The following GTF3A variants were observed in gnomAD, a reference collection of about 807,000 sequenced individuals.
GTF3A encodes transcription factor IIIA.
A neutral mutation model predicts 37.6 loss-of-function variants in GTF3A; 40 were observed. The ratio of observed to expected loss-of-function variants is 1.06; its 90% CI spans 0.83 to 1.38. The LOEUF (loss-of-function observed/expected upper bound fraction) is 1.38, where lower values mean the gene tolerates loss of function less well. Ranked by LOEUF, GTF3A falls within the 40% of genes most tolerant of loss-of-function variation. The pLI is 0.00. For missense variants in GTF3A, 500 were observed against 462.6 expected (o/e 1.08, Z -0.74); for synonymous variants, 191 against 166.7 (o/e 1.15, Z -1.12).
At position 27,424,824 on chromosome 13, in the gene GTF3A, G is replaced by C; in HGVS notation, c.87G>C (p.Pro29=). The C allele has an allele frequency of 1.3e-6, 2 of 1,550,676 alleles. No homozygotes were observed. The highest frequency in any genetic ancestry group is 1.4e-5 in the African/African-American group (1 of 73,140). ...TTGCAGCCGGCGAGAGCTCAGCTCC[G>C]ACCCCGCCGCGCCCCGCGCTTCCCA... The change falls in exon 1 of 9, where the codon CCG becomes CCC. Residue 29 remains proline (P), a synonymous_variant. Transcript: ENST00000381140.
At chr13:27,434,711 C>G in intron 6 of GTF3A, 94 bp from the exon 7 acceptor site, 1 of 666,726 alleles carries the variant, frequency 1.5e-6, no homozygotes, top group Non-Finnish European at 2.6e-6. Context: ...GATCAGGTTT[C>G]AGGCACTGAA....
At chr13:27,430,102 G>A in intron 3 of GTF3A, 136 bp downstream of exon 3, 1 of 433,066 alleles carries the variant, frequency 2.3e-6, no homozygotes, top group Non-Finnish European at 4.2e-6. Flanking sequence ...ACCAGCCTGG[G>A]AAACATAGTG....
At chr13:27,430,061 T>A in intron 3 of GTF3A, 95 bp downstream of exon 3, 1 of 586,528 alleles carries the variant, frequency 1.7e-6, no homozygotes, top group Non-Finnish European at 2.9e-6. Flanking sequence ...GGCTCAAGCC[T>A]ATAATCGTAG....
In GTF3A at chr13:27,424,942, AG is replaced by A; in HGVS notation, c.201+10del. ...CCTGTGCAAGCACACGGGGGAGGTGAGGGGGGCGAGGCTGCCAACCCTGGGC... is the reference window on the plus strand; with the variant it reads ...CCTGTGCAAGCACACGGGGGAGGTGAGGGGGCGAGGCTGCCAACCCTGGGC... On this transcript the variant is annotated splice_donor_5th_base_variant and intron_variant, in intron 1 of 8. Transcript: ENST00000381140. 1.9e-6 allele frequency: 3 copies of A among 1,542,142 alleles called. No individual in the cohort carries two copies. Among genetic ancestry groups the A allele is most frequent in the Admixed American group, 4.0e-5 (2 of 49,856 alleles).
intron 2 of GTF3A, chr13:27,429,225 C>G (rs1237710): frequency 0.58 from 84,961 of 146,788 alleles, 25,806 homozygotes; most frequent in South Asian, 0.68. Context: ...TAAGATTGAG[C>G]CTGGGAAAGG....
chr13:27,431,725 A>C lies in GTF3A; in HGVS notation c.489-1006A>C, dbSNP rs184913929. 4.3e-3 allele frequency among the ~76,000 whole-genome samples: 651 copies of C among 152,286 alleles called. 5 individuals are homozygous for C. Among genetic ancestry groups the C allele is most frequent in the Non-Finnish European group, 5.0e-3 (339 of 68,016 alleles). On this transcript the variant is annotated intron_variant, in intron 4 of 8. Coordinates refer to ENST00000381140, the MANE Select transcript of GTF3A (RefSeq NM_002097.3). ...GGTGCGCTAAAATCTCAGCACCACTATAGGATTCATCCACGTAACGAAAAA... is the reference window on the plus strand; with the variant it reads ...GGTGCGCTAAAATCTCAGCACCACTCTAGGATTCATCCACGTAACGAAAAA...
At chr13:27,434,072 C>A in intron 5 of GTF3A, 67 bp from the exon 6 acceptor site, 1 of 745,150 alleles carries the variant, frequency 1.3e-6, no homozygotes, top group Non-Finnish European at 2.5e-6. Flanking sequence ...CCTAAGTTTC[C>A]TTTCTAGTTA....
In GTF3A at chr13:27,432,727, G is replaced by A; in HGVS notation, c.489-4G>A. On this transcript the variant is annotated splice_region_variant and splice_polypyrimidine_tract_variant and intron_variant, in intron 4 of 8. Coordinates refer to ENST00000381140, the MANE Select transcript of GTF3A (RefSeq NM_002097.3). Reference sequence around the variant, plus strand: ...GGCTAATACCTCATGTGTTGCCAATGCAGGTGTACCCAGGAAGGATGTGGG... The same window carrying A: ...GGCTAATACCTCATGTGTTGCCAATACAGGTGTACCCAGGAAGGATGTGGG... 6.2e-7 allele frequency: 1 copy of A among 1,601,110 alleles called. No individual in the cohort carries two copies. The highest frequency in any genetic ancestry group is 8.5e-7 in the Non-Finnish European group (1 of 1,173,270).
At position 27,424,658 on chromosome 13, in the gene GTF3A, T is replaced by C; in HGVS notation, c.-80T>C. 1 of 1,087,642 alleles carries C rather than the reference T, an allele frequency of 9.2e-7. No individual in the cohort carries two copies. Among genetic ancestry groups the C allele is most frequent in the Non-Finnish European group, 1.2e-6 (1 of 821,550 alleles). The allele number at this position is 1,087,642 out of a possible 1,614,324, so 67.4% of individuals were successfully genotyped here. Reference sequence around the variant, plus strand: ...CGCGCGAAGGTTCAGCAGGGAGCCGTGGGCCGGGCGCGCCGGTTCCCGGCA... The same window carrying C: ...CGCGCGAAGGTTCAGCAGGGAGCCGCGGGCCGGGCGCGCCGGTTCCCGGCA... On this transcript the variant is annotated 5_prime_UTR_variant, in exon 1 of 9. Coordinates refer to ENST00000381140, the MANE Select transcript of GTF3A (RefSeq NM_002097.3).
In GTF3A at chr13:27,435,170, A is replaced by T; in HGVS notation, c.911A>T (p.Asp304Val). 6.3e-7 allele frequency: 1 copy of T among 1,598,942 alleles called. No homozygotes were observed. Among genetic ancestry groups the T allele is most frequent in the Non-Finnish European group, 8.5e-7 (1 of 1,176,132 alleles). ...AGGCATGCTGTTGTACATGATCCTG[A>T]CAAGAAGAAAATGAAGCTCAAAGTA... The change falls in exon 8 of 9, where the codon GAC (aspartate) becomes GTC (valine). Residue 304 changes from aspartate to valine, a missense_variant. Transcript: ENST00000381140.
At chr13:27,426,612 G>C (rs1453431859) in intron 1 of GTF3A, among the ~76,000 whole-genome samples, 1 of 152,168 alleles carries the variant, frequency 6.6e-6, no homozygotes, top group Non-Finnish European at 1.5e-5. Flanking sequence ...GCTTTTTCAG[G>C]TGTGACACAC....
chr13:27,432,020 T>C (rs113547586), intron 4 of GTF3A, among the ~76,000 whole-genome samples: 1 of 152,264 alleles, frequency 6.6e-6, no homozygotes, highest in South Asian at 2.1e-4. Context: ...AATGTCATTA[T>C]GGAGACACTC....
intron 2 of GTF3A, among the ~76,000 whole-genome samples, chr13:27,427,824 G>A (rs1228190824): frequency 6.6e-6 from 1 of 152,026 alleles, no homozygotes; most frequent in African/African-American, 2.4e-5. Context: ...CAAGTAGGGG[G>A]TGGGGATGGT....
intron 6 of GTF3A, 40 bp downstream of exon 6, chr13:27,434,259 G>A: frequency 1.2e-6 from 1 of 821,454 alleles, no homozygotes; most frequent in Non-Finnish European, 2.2e-6. Context: ...GTAAATGTTT[G>A]TCCCCACAGA....
Position 27,435,154 on chromosome 13 carries a change from G to A in GTF3A, c.895G>A (p.Val299Ile). The A allele has an allele frequency of 3.7e-6, 6 of 1,608,288 alleles. No individual in the cohort carries two copies. The highest frequency in any genetic ancestry group is 5.1e-6 in the Non-Finnish European group (6 of 1,177,834). ...GTAGCAAAGTCTCACTAGGCATGCT[G>A]TTGTACATGATCCTGACAAGAAGAA... is the stretch of plus-strand genomic sequence containing the variant. The change falls in exon 8 of 9, where the codon GTT (valine) becomes ATT (isoleucine). Residue 299 changes from valine (V) to isoleucine (I), a missense_variant. Transcript: ENST00000381140.
In GTF3A at chr13:27,435,478, G is replaced by C; in HGVS notation, c.979G>C (p.Gly327Arg). 6.2e-7 allele frequency: 1 copy of C among 1,613,224 alleles called. No homozygotes were observed. Among genetic ancestry groups the C allele is most frequent in the South Asian group, 1.1e-5 (1 of 90,976 alleles). Residue 327 changes from glycine (G) to arginine (R), a missense_variant, in exon 9 of 9, where the codon GGA becomes CGA. Gly to Arg is a moderately radical substitution (Grantham distance 125, BLOSUM62 -2). Coordinates refer to ENST00000381140, the MANE Select transcript of GTF3A (RefSeq NM_002097.3). ...ACGGAGTTTGGCCTCTCATCTCAGT[G>C]GATATATCCCTCCCAAAAGGAAACA...
chr13:27,430,068 G>A (rs146342676), intron 3 of GTF3A, 102 bp downstream of exon 3: 11 of 520,208 alleles, frequency 2.1e-5, no homozygotes, highest in East Asian at 2.0e-4. Context: ...GCCTATAATC[G>A]TAGCTTGAGG....
rs1385728943 is a variant in GTF3A at position 27,434,129 on chromosome 13, T to C, written c.563-10T>C. 3.7e-6 allele frequency: 4 copies of C among 1,084,018 alleles called. No homozygotes were observed. The highest frequency in any genetic ancestry group is 2.3e-5 in the East Asian group (1 of 42,576). The allele number at this position is 1,084,018 out of a possible 1,614,324, so 67.1% of individuals were successfully genotyped here. The stretch of plus-strand genomic sequence containing the variant: ...ATTCATGACAGACAATGCACCAATT[T>C]TTTTAATAGGCTATGTATGTCAAAA... On this transcript the variant is annotated splice_polypyrimidine_tract_variant and intron_variant, in intron 5 of 8. Transcript: ENST00000381140.
At chr13:27,429,991 AT>A in intron 3 of GTF3A, 25 bp downstream of exon 3, 1 of 1,280,870 alleles carries the variant, frequency 7.8e-7, no homozygotes, top group Non-Finnish European at 1.1e-6. Context: ...ATATGCTTAA[AT>A]TTTTTGAGTA....
Sources: gnomAD v4.1 joint callset for allele counts (sites outside exome capture counted in the v4.1 genomes callset) on GRCh38, gnomAD v4.1.1 for gene constraint, MANE v1.5 for transcripts, NCBI Gene and HGNC (gene_info 2026-07-23, HGNC 2026-07-21) for gene names.